SNTB1: variants seen among roughly 807,000 people sequenced by gnomAD.
SNTB1 encodes syntrophin beta 1, also known as beta-1-syntrophin.
Under a neutral mutation model 48.9 loss-of-function variants are expected in SNTB1, and 36 were observed. The observed-to-expected ratio is 0.74, with a 90% CI of 0.56 to 0.97. The LOEUF is 0.97. Among genes scored for constraint, SNTB1 ranks in the 50% least tolerant of loss-of-function variants. The pLI is 0.00. For synonymous variants in SNTB1, 299 were observed against 294.6 expected, an observed-to-expected ratio of 1.01 and a Z score of -0.15; for missense variants, 786 against 703.4, an observed-to-expected ratio of 1.12 and a Z score of -1.33.
intron 1 of SNTB1, among the ~76,000 whole-genome samples, chr8:120,786,524 C>A (rs1214852209): frequency 2.0e-5 from 3 of 152,172 alleles, no homozygotes; most frequent in African/African-American, 7.2e-5. Flanking sequence ...TGTAGACAGC[C>A]TTTCTGGAAC....
chr8:120,713,342 A>G (rs1327338413), intron 1 of SNTB1, among the ~76,000 whole-genome samples: 1 of 152,194 alleles, frequency 6.6e-6, no homozygotes, highest in Non-Finnish European at 1.5e-5. Flanking sequence ...ATCTGTCTAG[A>G]CATTACCCTC....
intron 4 of SNTB1, among the ~76,000 whole-genome samples, chr8:120,555,775 T>A (rs1815556586): frequency 6.6e-6 from 1 of 152,048 alleles, no homozygotes; most frequent in East Asian, 1.9e-4. Context: ...GAGGGGGTCC[T>A]AAGAGTGGGG....
At chr8:120,563,362 T>C (rs2130670437) in intron 4 of SNTB1, among the ~76,000 whole-genome samples, 1 of 151,666 alleles carries the variant, frequency 6.6e-6, no homozygotes, top group African/African-American at 2.4e-5. Context: ...CAAGGACTCA[T>C]AAAAAGCTGA....
intron 2 of SNTB1, 26 bp downstream of exon 2, chr8:120,693,666 C>T: frequency 1.9e-6 from 3 of 1,600,432 alleles, no homozygotes; most frequent in Non-Finnish European, 2.6e-6. Flanking sequence ...CTGCTTGATA[C>T]AGTGGAGAGT....
At chr8:120,634,869 T>C (rs944877170) in intron 2 of SNTB1, among the ~76,000 whole-genome samples, 24 of 151,296 alleles carry the variant, frequency 1.6e-4, no homozygotes, top group Non-Finnish European at 2.8e-4. Context: ...TTTTTTTTTT[T>C]GAGACGGAGT....
intron 4 of SNTB1, among the ~76,000 whole-genome samples, chr8:120,573,746 A>G (rs1247827922): frequency 6.6e-6 from 1 of 152,168 alleles, no homozygotes; most frequent in Non-Finnish European, 1.5e-5. Context: ...TGTTTTGCAT[A>G]TGAATATCCA....
intron 3 of SNTB1, among the ~76,000 whole-genome samples, chr8:120,595,116 C>T (rs997832374): frequency 6.6e-5 from 10 of 152,126 alleles, no homozygotes; most frequent in South Asian, 2.1e-4. Context: ...TGGGCTACAT[C>T]GCTGTGCTTT....
At position 120,657,901 on chromosome 8, in the gene SNTB1, A is replaced by G. The variant is rs577251216; in HGVS notation, c.789-25250T>C. ...AAGCACACACTTTCTTAAATTTTCA[A>G]ATAACTCAAGAAATTCCTAATGTGA... On this transcript the variant is annotated intron_variant, in intron 2 of 6. Coordinates refer to ENST00000517992, the MANE Select transcript of SNTB1 (RefSeq NM_021021.4). 2.0e-5 allele frequency among the ~76,000 whole-genome samples: 3 copies of G among 152,336 alleles called. No homozygotes were observed. In the East Asian group the frequency reaches 5.8e-4, roughly 29 times the overall value.
At chr8:120,688,631 G>C (rs1487303531) in intron 2 of SNTB1, among the ~76,000 whole-genome samples, 1 of 152,180 alleles carries the variant, frequency 6.6e-6, no homozygotes, top group Non-Finnish European at 1.5e-5. Context: ...ATTGATATCT[G>C]AGAAGACTGT....
intron 1 of SNTB1, among the ~76,000 whole-genome samples, chr8:120,749,760 T>C (rs1006956367): frequency 1.3e-5 from 2 of 152,112 alleles, no homozygotes; most frequent in African/African-American, 4.8e-5. Context: ...AACTGCAATA[T>C]GTGGGTTGGC....
chr8:120,634,375 T>C (rs1214900318), intron 2 of SNTB1, among the ~76,000 whole-genome samples: 2 of 152,162 alleles, frequency 1.3e-5, no homozygotes. Context: ...ATGCTTCTAA[T>C]AGCCCTATGA....
chr8:120,557,585 A>G (rs928420619), intron 4 of SNTB1, among the ~76,000 whole-genome samples: 1 of 152,070 alleles, frequency 6.6e-6, no homozygotes, highest in Non-Finnish European at 1.5e-5. Context: ...TTGCCATCTG[A>G]TCTCCTCTTT....
chr8:120,551,723 C>T (rs1404509210), intron 4 of SNTB1, among the ~76,000 whole-genome samples: 2 of 90,236 alleles, frequency 2.2e-5, no homozygotes, highest in Non-Finnish European at 4.0e-5. Context: ...GAGACTCCAT[C>T]TCAAAAAAAA....
chr8:120,651,170 C>T (rs1234632552), intron 2 of SNTB1, among the ~76,000 whole-genome samples: 1 of 152,170 alleles, frequency 6.6e-6, no homozygotes, highest in Non-Finnish European at 1.5e-5. Context: ...CATGGAGAGT[C>T]CTCCAGGGCA....
intron 5 of SNTB1, among the ~76,000 whole-genome samples, chr8:120,545,559 ATTG>A (rs1563813582): frequency 1.3e-5 from 2 of 152,104 alleles, no homozygotes; most frequent in Admixed American, 6.5e-5. Flanking sequence ...ACAAAATAAA[ATTG>A]TTATCATTGT....
intron 3 of SNTB1, among the ~76,000 whole-genome samples, chr8:120,585,624 T>A (rs1172678704): frequency 6.6e-6 from 1 of 152,254 alleles, no homozygotes; most frequent in Non-Finnish European, 1.5e-5. Context: ...TACTCTTTAT[T>A]GCACAATTGA....
intron 1 of SNTB1, among the ~76,000 whole-genome samples, chr8:120,715,008 T>C (rs1227834110): frequency 6.6e-6 from 1 of 152,234 alleles, no homozygotes; most frequent in African/African-American, 2.4e-5. Flanking sequence ...TAGCACAAAT[T>C]GGAGAAATTT....
At chr8:120,714,496 C>A (rs1445462591) in intron 1 of SNTB1, among the ~76,000 whole-genome samples, 1 of 146,256 alleles carries the variant, frequency 6.8e-6, no homozygotes, top group African/African-American at 2.5e-5. Context: ...TTTTTTTTTT[C>A]TGGCAAAAAC....
At chr8:120,543,066 G>A (rs1450619124) in intron 5 of SNTB1, among the ~76,000 whole-genome samples, 1 of 152,136 alleles carries the variant, frequency 6.6e-6, no homozygotes, top group East Asian at 1.9e-4. Context: ...TCTTGAGCAG[G>A]TGCGGTGCCA....
Sources: allele counts gnomAD v4.1 joint callset (sites outside exome capture counted in the v4.1 genomes callset), GRCh38; gene constraint gnomAD v4.1.1; transcripts MANE v1.5; gene names NCBI Gene and HGNC (gene_info 2026-07-23, HGNC 2026-07-21).